GAREM1: variants seen among roughly 807,000 people sequenced by gnomAD.
The protein encoded by GAREM1 is GRB2-associated and regulator of MAPK protein 1.
A neutral mutation model predicts 71.3 loss-of-function variants in GAREM1; 26 were observed. That is an observed-to-expected ratio of 0.36 (90% CI 0.27 to 0.51). GAREM1 has a LOEUF of 0.51. Among genes scored for constraint, GAREM1 ranks in the 20% least tolerant of loss-of-function variants. The probability of loss-of-function intolerance (pLI) is 0.95; values close to 1 mark genes in which losing one functional copy is unlikely to be tolerated. For missense variants in GAREM1, 1,026 were observed against 1,103.1 expected (o/e 0.93, Z 0.99); for synonymous variants, 440 against 433.2 (o/e 1.02, Z -0.20).
intron 1 of GAREM1, among the ~76,000 whole-genome samples, chr18:32,423,580 T>C (rs192730060): frequency 1.1e-4 from 16 of 152,286 alleles, no homozygotes; most frequent in African/African-American, 3.6e-4. Context: ...TCAGTGACAA[T>C]AGAAAGAGCT....
At chr18:32,336,083 C>T (rs949394883) in intron 2 of GAREM1, among the ~76,000 whole-genome samples, 7 of 152,060 alleles carry the variant, frequency 4.6e-5, no homozygotes, top group African/African-American at 7.2e-5. Flanking sequence ...TTTTGAGGAT[C>T]GGTTTCGTTA....
chr18:32,298,416 T>C (rs1221968391), intron 3 of GAREM1, among the ~76,000 whole-genome samples: 2 of 152,150 alleles, frequency 1.3e-5, no homozygotes, highest in Non-Finnish European at 2.9e-5. Flanking sequence ...TTTTTTTTAA[T>C]AGCAAAAGAA....
chr18:32,445,066 G>C (rs1276075135), intron 1 of GAREM1, among the ~76,000 whole-genome samples: 2 of 152,010 alleles, frequency 1.3e-5, no homozygotes, highest in East Asian at 1.9e-4. Context: ...GTGAATGAGA[G>C]AGAAAACAAC....
At chr18:32,413,223 C>T (rs1260027666) in intron 1 of GAREM1, 2 of 1,606,108 alleles carry the variant, frequency 1.2e-6, no homozygotes, top group Non-Finnish European at 1.7e-6. Context: ...TCGGCGGCGT[C>T]CACGGGCAGA....
At position 32,287,727 on chromosome 18, in the gene GAREM1, G is replaced by C. The variant is rs748001124; in HGVS notation, c.870C>G (p.Asn290Lys). The change falls in exon 4 of 6, where the codon AAC becomes AAG. Residue 290 changes from asparagine to lysine, a missense_variant. Coordinates refer to ENST00000269209, the MANE Select transcript of GAREM1 (RefSeq NM_001242409.2). This position sits in a 1 kb window ranked among gnomAD's most constrained non-coding sequence, Gnocchi z 5.9. ...TVVVCCVLRN[N>K]KILPMHFPLH... ...AAGGAAAGTGCATGGGGAGGATCTT[G>C]TTGTTCCGCAGCACACAGCAAACCA... 1 of 1,614,092 alleles carries C rather than the reference G, an allele frequency of 6.2e-7. No homozygotes were observed. Among genetic ancestry groups the C allele is most frequent in the Non-Finnish European group, 8.5e-7 (1 of 1,180,028 alleles).
Position 32,288,155 on chromosome 18 carries a change from G to C in GAREM1, c.442C>G (p.Leu148Val). Reference protein sequence around the residue: ...NEDTEVYNITLCTGDELTLMG... With the variant: ...NEDTEVYNITVCTGDELTLMG... ...AGAGTGAGTTCATCCCCAGTACACA[G>C]GGTGATGTTGTAAACTTCAGTGTCT... Residue 148 changes from leucine to valine, a missense_variant, in exon 4 of 6, where the codon CTG becomes GTG. Leu to Val is a conservative substitution (Grantham distance 32). Transcript: ENST00000269209. The C allele has an allele frequency of 6.2e-7, 1 of 1,613,514 alleles. No homozygotes were observed.
chr18:32,469,285 C>T (rs2144326072), intron 1 of GAREM1, among the ~76,000 whole-genome samples: 1 of 152,322 alleles, frequency 6.6e-6, no homozygotes, highest in South Asian at 2.1e-4. Flanking sequence ...GAAATGACAT[C>T]TTTCTGCTTA....
intron 2 of GAREM1, among the ~76,000 whole-genome samples, chr18:32,348,301 T>C (rs1257675988): frequency 6.6e-6 from 1 of 152,168 alleles, no homozygotes; most frequent in Non-Finnish European, 1.5e-5. Context: ...CCATCTCAAG[T>C]TCTATTATTT....
Position 32,381,226 on chromosome 18 carries a change from A to G in GAREM1, c.262+11669T>C, listed in dbSNP as rs146674016. ...AACTAAAAGGACATTCTTGCCATCT[A>G]GAGGTCCAATATCTGACAAGATAGG... On this transcript the variant is annotated intron_variant, in intron 2 of 5. Transcript: ENST00000269209. 6.6e-3 allele frequency among the ~76,000 whole-genome samples: 1,006 copies of G among 152,270 alleles called. 11 individuals are homozygous for G. Among genetic ancestry groups the G allele is most frequent in the African/African-American group, 0.023 (968 of 41,554 alleles).
chr18:32,396,336 C>T (rs950172479), intron 1 of GAREM1, among the ~76,000 whole-genome samples: 3 of 151,984 alleles, frequency 2.0e-5, no homozygotes, highest in African/African-American at 7.2e-5. Context: ...GAGAAGAAGG[C>T]TTCAGATAAT....
chr18:32,396,112 A>G, intron 1 of GAREM1, among the ~76,000 whole-genome samples: 1 of 152,234 alleles, frequency 6.6e-6, no homozygotes, highest in South Asian at 2.1e-4. Flanking sequence ...CGTGACTGTT[A>G]GAAGGAAAAC....
In GAREM1 at chr18:32,272,892, T is replaced by C. The variant is rs2041483297; in HGVS notation, c.1567-2509A>G. Among the ~76,000 whole-genome samples the C allele has an allele frequency of 2.0e-5, 3 of 152,210 alleles. No homozygotes were observed. The South Asian group carries it at 6.2e-4, about 31-fold the overall frequency. ...CCCTCCTTAGCCAGGCGGGTCTTCT[T>C]AAGAGGCTGAGAACCAACCAGGATG... On this transcript the variant is annotated intron_variant, in intron 4 of 5. Coordinates refer to ENST00000269209, the MANE Select transcript of GAREM1 (RefSeq NM_001242409.2).
chr18:32,421,506 T>C (rs1352308430), intron 1 of GAREM1, among the ~76,000 whole-genome samples: 6 of 152,140 alleles, frequency 3.9e-5, no homozygotes, highest in Admixed American at 3.9e-4. Context: ...AAACCTTCAA[T>C]GGCTCTTCAC....
intron 1 of GAREM1, among the ~76,000 whole-genome samples, chr18:32,414,552 C>CA (rs1443661693): frequency 6.6e-6 from 1 of 151,742 alleles, no homozygotes; most frequent in East Asian, 1.9e-4. Context: ...ACCTACAAAT[C>CA]AATAACAAGA....
At chr18:32,359,779 A>G (rs1432529480) in intron 2 of GAREM1, among the ~76,000 whole-genome samples, 1 of 152,142 alleles carries the variant, frequency 6.6e-6, no homozygotes, top group Non-Finnish European at 1.5e-5. Context: ...TTAAAAAATT[A>G]GCTGGATGTG....
chr18:32,413,076 A>G, intron 1 of GAREM1: 1 of 1,548,124 alleles, frequency 6.5e-7, no homozygotes. Context: ...CCATTGCTCA[A>G]AATGGCTCCT....
In GAREM1 at chr18:32,363,920, A is replaced by ACACACACACACACACACACAC. The variant is rs1408632288; in HGVS notation, c.262+28974_262+28975insGTGTGTGTGTGTGTGTGTGTG. Among the ~76,000 whole-genome samples, 4 of 146,708 alleles carry ACACACACACACACACACACAC rather than the reference A, an allele frequency of 2.7e-5. No homozygotes were observed. In the East Asian group the frequency reaches 6.0e-4, roughly 22 times the overall value. On this transcript the variant is annotated intron_variant, in intron 2 of 5. Transcript: ENST00000269209. ...CAAGGTTATACACACACACACACAT[A>ACACACACACACACACACACAC]AAAAAATATATATACACATACAAAT...
chr18:32,428,836 T>G (rs997794400), intron 1 of GAREM1, among the ~76,000 whole-genome samples: 1 of 152,196 alleles, frequency 6.6e-6, no homozygotes, highest in African/African-American at 2.4e-5. Flanking sequence ...GGAATCATCT[T>G]CCATCTTTTC....
chr18:32,407,239 C>T (rs1235959826), intron 1 of GAREM1, among the ~76,000 whole-genome samples: 1 of 152,166 alleles, frequency 6.6e-6, no homozygotes, highest in Non-Finnish European at 1.5e-5. Context: ...GTCACTTGAG[C>T]TTAGTTGCTG....
Sources: allele counts gnomAD v4.1 joint callset (sites outside exome capture counted in the v4.1 genomes callset), GRCh38; gene constraint gnomAD v4.1.1; non-coding constraint Gnocchi (gnomAD v3.1); transcripts MANE v1.5; gene names NCBI Gene and HGNC (gene_info 2026-07-23, HGNC 2026-07-21).